Variants in BCL11A observed in about 807,000 individuals in gnomAD.
BCL11A encodes BCL11 transcription factor A.
In BCL11A, 2 loss-of-function variants were observed where a neutral mutation model predicts 55.9. The ratio of observed to expected loss-of-function variants is 0.04; its 90% CI spans 0.01 to 0.11. BCL11A has a LOEUF of 0.11. Among genes scored for constraint, BCL11A ranks in the 10% least tolerant of loss-of-function variants. BCL11A has a pLI of 1.00. For missense variants in BCL11A, 817 were observed against 1,137.1 expected, an observed-to-expected ratio of 0.72 and a Z score of 4.05; for synonymous variants, 465 against 473.4, an observed-to-expected ratio of 0.98 and a Z score of 0.23.
chr2:60,508,279 G>A (rs1198217670), intron 2 of BCL11A, among the ~76,000 whole-genome samples: 2 of 152,080 alleles, frequency 1.3e-5, no homozygotes. Context: ...TCCACACTTG[G>A]TTCAGGACAC....
At chr2:60,452,727 ATG>A, downstream of BCL11A, 3 of 1,345,756 alleles carry the variant, frequency 2.2e-6, no homozygotes, top group Non-Finnish European at 3.2e-6. Context: ...ACTTGGCCCA[ATG>A]ATTTTCTGTT....
intron 2 of BCL11A, chr2:60,541,978 A>G: frequency 1.5e-6 from 1 of 683,676 alleles, no homozygotes; most frequent in Non-Finnish European, 2.7e-6. Flanking sequence ...CATTTTCTAA[A>G]TTCTGAAAAG....
chr2:60,541,785 C>T, intron 2 of BCL11A: 1 of 567,906 alleles, frequency 1.8e-6, no homozygotes, highest in Non-Finnish European at 3.2e-6. Flanking sequence ...AAATTCACTT[C>T]AGAAGTCAGT....
chr2:60,464,168 G>A (rs1384075433), intron 3 of BCL11A, among the ~76,000 whole-genome samples: 3 of 152,044 alleles, frequency 2.0e-5, no homozygotes, highest in Non-Finnish European at 4.4e-5. Flanking sequence ...TCACTCCTGG[G>A]TAAATCTCTT....
chr2:60,461,709 G>A lies in BCL11A; in HGVS notation c.1203C>T (p.Gly401=). The change falls in exon 4 of 4, where the codon GGC becomes GGT. Residue 401 remains glycine, a synonymous_variant. Coordinates refer to ENST00000642384, the MANE Select transcript of BCL11A (RefSeq NM_022893.4). ...ACAGGTTGCACTTGTAGGGCTTCTC[G>A]CCCGTGTGGCTGCGCCGGTGCACCA... ...NLVVHRRSHT[G]EKPYKCNLCD... The A allele has an allele frequency of 6.2e-7, 1 of 1,614,038 alleles. No homozygotes were observed. The highest frequency in any genetic ancestry group is 1.7e-5 in the Admixed American group (1 of 60,032).
At chr2:60,551,010 G>T (rs1192540348) in intron 1 of BCL11A, 2 of 397,554 alleles carry the variant, frequency 5.0e-6, no homozygotes, top group Admixed American at 4.4e-5. Flanking sequence ...GTGCCGGGGT[G>T]GGGGAGCTTC....
intron 2 of BCL11A, among the ~76,000 whole-genome samples, chr2:60,476,929 G>C (rs560442198): frequency 6.6e-6 from 1 of 152,268 alleles, no homozygotes; most frequent in East Asian, 1.9e-4. Context: ...TGAAAGTGGG[G>C]CTCAACTGCA....
rs55790543 is a variant in BCL11A at position 60,461,932 on chromosome 2, G to C, written c.980C>G (p.Ser327Cys). 6.2e-7 allele frequency: 1 copy of C among 1,614,124 alleles called. No individual in the cohort carries two copies. ...RRLRELAGNT[S>C]SPPLSPGRPS... ...CCGGCCTGGGGACAGCGGTGGGCTA[G>C]ACGTGTTCCCTGCCAGCTCTCTAAG... The change falls in exon 4 of 4, where the codon TCT becomes TGT. Residue 327 changes from serine (S) to cysteine (C), a missense_variant. By Grantham distance (112) the Ser-to-Cys change is moderately radical. Transcript: ENST00000642384.
At chr2:60,477,600 T>TAAAG (rs10631738) in intron 2 of BCL11A, among the ~76,000 whole-genome samples, 2,983 of 150,620 alleles carry the variant, frequency 0.02, 41 homozygotes, top group South Asian at 0.035. Context: ...TAGAGTAAAA[T>TAAAG]AAATAAAGAA....
intron 1 of BCL11A, among the ~76,000 whole-genome samples, chr2:60,547,060 A>C (rs1010518315): frequency 2.0e-5 from 3 of 152,362 alleles, no homozygotes; most frequent in African/African-American, 7.2e-5. Flanking sequence ...ACATTAGCTA[A>C]ATGGGATACT....
downstream of BCL11A, chr2:60,452,811 T>G: frequency 1.6e-6 from 1 of 622,502 alleles, no homozygotes; most frequent in East Asian, 2.9e-5. Context: ...TAAGCATGAT[T>G]TCAAACTCAG....
chr2:60,478,971 T>G lies in BCL11A; in HGVS notation c.386-10138A>C, dbSNP rs150970306. Among the ~76,000 whole-genome samples the G allele has an allele frequency of 9.6e-4, 146 of 151,528 alleles. 1 individual carries two copies. Among genetic ancestry groups the G allele is most frequent in the African/African-American group, 3.2e-3 (133 of 41,382 alleles). On this transcript the variant is annotated intron_variant, in intron 2 of 3. Transcript: ENST00000642384. ...GCTTTGACGTGCTTTGTTTTTTGTT[T>G]TTTTTTTTTCCCTCCTCCCTGGCTT...
chr2:60,505,241 A>G (rs1315489148), intron 2 of BCL11A, among the ~76,000 whole-genome samples: 2 of 152,198 alleles, frequency 1.3e-5, no homozygotes, highest in African/African-American at 2.4e-5. Context: ...CAAAAAAGCT[A>G]GAGGATCGGA....
intron 2 of BCL11A, among the ~76,000 whole-genome samples, chr2:60,476,738 C>T (rs1176466972): frequency 6.6e-6 from 1 of 152,246 alleles, no homozygotes; most frequent in Non-Finnish European, 1.5e-5. Context: ...CCCCAATATC[C>T]TCTCTGTCAA....
At chr2:60,454,127 C>T (rs1177664991), downstream of BCL11A, among the ~76,000 whole-genome samples, 1 of 152,030 alleles carries the variant, frequency 6.6e-6, no homozygotes, top group Non-Finnish European at 1.5e-5. Flanking sequence ...AATTAAACAG[C>T]GGGCTAATGG....
At chr2:60,456,475 T>C (rs1675937664), downstream of BCL11A, among the ~76,000 whole-genome samples, 1 of 152,240 alleles carries the variant, frequency 6.6e-6, no homozygotes, top group Non-Finnish European at 1.5e-5. Flanking sequence ...TAAAGTAATC[T>C]GTAGCATCTA....
chr2:60,452,787 A>G, downstream of BCL11A: 2 of 708,642 alleles, frequency 2.8e-6, no homozygotes, highest in South Asian at 3.5e-5. Flanking sequence ...CCACAGGTCG[A>G]GCCACTGGCA....
At position 60,474,254 on chromosome 2, in the gene BCL11A, C is replaced by T. The variant is rs1160180550; in HGVS notation, c.386-5421G>A. Among the ~76,000 whole-genome samples the T allele has an allele frequency of 2.0e-5, 3 of 152,142 alleles. No homozygotes were observed. In the South Asian group the frequency reaches 6.2e-4, roughly 32 times the overall value. ...AAATGCCAGCCACCAATCTGTCAGGCCTAAACAAAATTTTTCTGCAAGCTG... is the reference window on the plus strand; with the variant it reads ...AAATGCCAGCCACCAATCTGTCAGGTCTAAACAAAATTTTTCTGCAAGCTG... On this transcript the variant is annotated intron_variant, in intron 2 of 3. Coordinates refer to ENST00000642384, the MANE Select transcript of BCL11A (RefSeq NM_022893.4).
intron 2 of BCL11A, among the ~76,000 whole-genome samples, chr2:60,475,142 G>A (rs565231946): frequency 2.6e-5 from 4 of 152,308 alleles, no homozygotes; most frequent in East Asian, 1.9e-4. Flanking sequence ...CCCAATAGGC[G>A]GTTACATTCA....
Sources: allele counts gnomAD v4.1 joint callset (sites outside exome capture counted in the v4.1 genomes callset), GRCh38; gene constraint gnomAD v4.1.1; transcripts MANE v1.5; gene names NCBI Gene and HGNC (gene_info 2026-07-23, HGNC 2026-07-21).